ZNF493: variants seen among roughly 807,000 people sequenced by gnomAD.
The protein encoded by ZNF493 is zinc finger protein 493.
Under a neutral mutation model 12.2 loss-of-function variants are expected in ZNF493, and 11 were observed. The observed-to-expected ratio is 0.90, with a 90% CI of 0.57 to 1.50. The LOEUF (loss-of-function observed/expected upper bound fraction) is 1.50. Ranked by LOEUF, ZNF493 falls within the 40% of genes most tolerant of loss-of-function variation. The pLI, the probability that ZNF493 is intolerant of heterozygous loss-of-function variation, is 0.00. For missense variants in ZNF493, 950 were observed against 906.6 expected, an observed-to-expected ratio of 1.05 and a Z score of -0.61; for synonymous variants, 286 against 302.6, an observed-to-expected ratio of 0.95 and a Z score of 0.57.
rs138802937 is a variant in ZNF493, at chr19:21,425,500, T to C, written c.*516T>C. 5,393 of 491,250 alleles carry C rather than the reference T, an allele frequency of 0.011. 97 individuals are homozygous for C. The highest frequency in any genetic ancestry group is 0.015 in the Non-Finnish European group (3,760 of 250,284). 30.4% of individuals were successfully genotyped at this position (491,250 alleles called of 1,614,324 possible). A position where few individuals can be genotyped will look rare whatever the true frequency, so the allele number is the denominator to read the frequency against. ...TCATCCATTAGTAAACATAAGATAA[T>C]TCATACTGGAGAGAAAACCTACAAA... On this transcript the variant is annotated 3_prime_UTR_variant, in exon 4 of 4. Transcript: ENST00000392288.
chr19:21,426,745 TAAA>T lies in ZNF493; in HGVS notation c.*1767_*1769del, dbSNP rs1190144468. ...TATATTTTCAAAGGTGTAGTAAAAA[TAAA>T]AAAAATTTTAATCCAAATTTGTCTA... On this transcript the variant is annotated 3_prime_UTR_variant, in exon 4 of 4. Coordinates refer to ENST00000392288, the MANE Select transcript of ZNF493 (RefSeq NM_001076678.3). The T allele has an allele frequency of 6.0e-6, 1 of 166,736 alleles. No homozygotes were observed. The highest frequency in any genetic ancestry group is 1.5e-5 in the Non-Finnish European group (1 of 67,988). The allele number at this position is 166,736 out of a possible 1,614,324, so 10.3% of individuals were successfully genotyped here.
In ZNF493 at chr19:21,425,765, A is replaced by G. The variant is rs1444328675; in HGVS notation, c.*781A>G. 3.4e-6 allele frequency: 2 copies of G among 581,868 alleles called. No individual in the cohort carries two copies. Among genetic ancestry groups the G allele is most frequent in the Non-Finnish European group, 3.3e-6 (1 of 305,740 alleles). The allele number at this position is 581,868 out of a possible 1,614,324, so 36.0% of individuals were successfully genotyped here. On this transcript the variant is annotated 3_prime_UTR_variant, in exon 4 of 4. Transcript: ENST00000392288. ...AACATAAGATAACTCATACTGGAGA[A>G]AAATCTTACAAATGTGAAGAATGTG...
rs892972245 is a variant in ZNF493 at position 21,408,679 on chromosome 19, T to C, written c.253+2823T>C. 18 of 985,322 alleles carry C rather than the reference T, an allele frequency of 1.8e-5. No individual in the cohort carries two copies. The African/African-American group carries it at 3.0e-4, about 16-fold the overall frequency. 61.0% of individuals were successfully genotyped at this position (985,322 alleles called of 1,614,324 possible). The stretch of plus-strand genomic sequence containing the variant: ...TAGTGGTGTTTTCAGTGTAGGTATC[T>C]TAATATCAGCTTATCGTGGTTTTTG... On this transcript the variant is annotated intron_variant, in intron 3 of 3. Transcript: ENST00000392288.
rs1303936821 is a variant in ZNF493, at chr19:21,425,190, T to A, written c.*206T>A. ...TCATATTGGAGAGAAATTCTACAGA[T>A]GTGAAGAATGTGGCAAAGGCTTTAA... On this transcript the variant is annotated 3_prime_UTR_variant, in exon 4 of 4. Coordinates refer to ENST00000392288, the MANE Select transcript of ZNF493 (RefSeq NM_001076678.3). 2 of 670,240 alleles carry A rather than the reference T, an allele frequency of 3.0e-6. No individual in the cohort carries two copies. Among genetic ancestry groups the A allele is most frequent in the Admixed American group, 5.3e-5 (2 of 38,090 alleles). 41.5% of individuals were successfully genotyped at this position (670,240 alleles called of 1,614,324 possible). A position where few individuals can be genotyped will look rare whatever the true frequency, so the allele number is the denominator to read the frequency against.
intron 1 of ZNF493, 135 bp downstream of exon 1, chr19:21,397,402 C>G (rs1974189229): frequency 8.8e-7 from 1 of 1,135,276 alleles, no homozygotes; most frequent in Non-Finnish European, 1.3e-6. Flanking sequence ...TTGCCCAGCT[C>G]GGCCTCAGTC....
chr19:21,405,678 A>G, intron 2 of ZNF493, 83 bp from the exon 3 acceptor site: 1 of 1,203,668 alleles, frequency 8.3e-7, no homozygotes, highest in Non-Finnish European at 1.2e-6. Context: ...ATATTCTATT[A>G]CATCCTCTTT....
intron 3 of ZNF493, chr19:21,408,379 C>A: frequency 1.1e-6 from 1 of 947,862 alleles, no homozygotes; most frequent in Non-Finnish European, 1.3e-6. Context: ...ATCCACCCGC[C>A]TTGGCCTCCT....
chr19:21,423,915 A>G lies in ZNF493; in HGVS notation c.1256A>G (p.His419Arg), dbSNP rs765098919. Residue 419 changes from histidine (H) to arginine (R), a missense_variant, in exon 4 of 4, where the codon CAC (histidine) becomes CGC (arginine). Coordinates refer to ENST00000392288, the MANE Select transcript of ZNF493 (RefSeq NM_001076678.3). The stretch of plus-strand genomic sequence containing the variant: ...GGCAAAGCTTATAAGGAGTCTTCAC[A>G]CCTTACTACACATAAAAGAATTCAT... The part of the protein sequence containing the change: ...ECGKAYKESS[H>R]LTTHKRIHTG... 6 of 1,613,004 alleles carry G rather than the reference A, an allele frequency of 3.7e-6. No individual in the cohort carries two copies. The highest frequency in any genetic ancestry group is 4.2e-6 in the Non-Finnish European group (5 of 1,179,480).
In ZNF493 at chr19:21,397,199, GC is replaced by G. The variant is rs746040886; in HGVS notation, c.-38del. ...CTGCTCTGTGTCCTCAGCGTGTGTG[GC>G]TTCGTGACCTGAAGATACTGGGAAA... is the stretch of plus-strand genomic sequence containing the variant. On this transcript the variant is annotated 5_prime_UTR_variant, in exon 1 of 4. Coordinates refer to ENST00000392288, the MANE Select transcript of ZNF493 (RefSeq NM_001076678.3). The G allele has an allele frequency of 6.2e-7, 1 of 1,613,784 alleles. No homozygotes were observed. Among genetic ancestry groups the G allele is most frequent in the Non-Finnish European group, 8.5e-7 (1 of 1,179,668 alleles).
At chr19:21,414,354 G>T (rs1158117525) in intron 3 of ZNF493, 2 of 152,228 alleles carry the variant, frequency 1.3e-5, no homozygotes. Context: ...AATAGCTTTA[G>T]CTTCTTTCCA....
At chr19:21,405,602 T>C (rs925596220) in intron 2 of ZNF493, 159 bp from the exon 3 acceptor site, 2 of 1,105,344 alleles carry the variant, frequency 1.8e-6, no homozygotes, top group African/African-American at 1.6e-5. Flanking sequence ...CCTACAAATT[T>C]AAAATATTTT....
chr19:21,419,210 C>T (rs1470565042), intron 3 of ZNF493, among the ~76,000 whole-genome samples: 1 of 151,984 alleles, frequency 6.6e-6, no homozygotes, highest in Non-Finnish European at 1.5e-5. Context: ...CTTGTGGATT[C>T]TGTGTTGACT....
chr19:21,421,221 ACCTC>A (rs2030668759), intron 3 of ZNF493, among the ~76,000 whole-genome samples: 1 of 140,400 alleles, frequency 7.1e-6, no homozygotes, highest in Admixed American at 7.0e-5. Flanking sequence ...ATATTTTTTT[ACCTC>A]CCTAATTTGT....
At chr19:21,410,492 A>T (rs2359147) in intron 3 of ZNF493, among the ~76,000 whole-genome samples, 1 of 151,902 alleles carries the variant, frequency 6.6e-6, no homozygotes, top group East Asian at 1.9e-4. Flanking sequence ...CTCTTTTTCT[A>T]TATGTGTATC....
In ZNF493 at chr19:21,423,518, C is replaced by A; in HGVS notation, c.859C>A (p.His287Asn). 6.2e-7 allele frequency: 1 copy of A among 1,613,676 alleles called. No homozygotes were observed. Among genetic ancestry groups the A allele is most frequent in the Non-Finnish European group, 8.5e-7 (1 of 1,179,842 alleles). Residue 287 changes from histidine (H) to asparagine (N), a missense_variant, in exon 4 of 4, where the codon CAT (histidine) becomes AAT (asparagine). Transcript: ENST00000392288. ...ATACCTTACTAGGCATAAGCTAATT[C>A]ATACTAGAGAGAAACCCTATAAATG... is the stretch of plus-strand genomic sequence containing the variant. ...FSYLTRHKLI[H>N]TREKPYKCEQ... is the part of the protein sequence containing the mutation.
rs889193456 is a variant in ZNF493 at position 21,397,151 on chromosome 19, C to G, written c.-87C>G. ...CTGGGCCATTGTTTCTCTCTGCTGC[C>G]GGAGCTCCAGGTCTACCCTTCACTG... On this transcript the variant is annotated 5_prime_UTR_variant, in exon 1 of 4. Transcript: ENST00000392288. 42 of 1,497,254 alleles carry G rather than the reference C, an allele frequency of 2.8e-5. No homozygotes were observed. The highest frequency in any genetic ancestry group is 5.5e-5 in the African/African-American group (4 of 72,942). The allele number at this position is 1,497,254 out of a possible 1,614,324, so 92.7% of individuals were successfully genotyped here.
At chr19:21,411,403 T>C (rs1166370518) in intron 3 of ZNF493, among the ~76,000 whole-genome samples, 2 of 152,104 alleles carry the variant, frequency 1.3e-5, no homozygotes, top group Non-Finnish European at 2.9e-5. Context: ...GTTTTGCTAG[T>C]TATAGTTTAT....
chr19:21,424,560 G>A lies in ZNF493; in HGVS notation c.1901G>A (p.Cys634Tyr), dbSNP rs1202322523. The A allele has an allele frequency of 6.2e-7, 1 of 1,613,668 alleles. No homozygotes were observed. The highest frequency in any genetic ancestry group is 1.1e-5 in the South Asian group (1 of 91,062). Residue 634 changes from cysteine to tyrosine, a missense_variant, in exon 4 of 4, where the codon TGT becomes TAT. Transcript: ENST00000392288. ...GAAAAACCCTACAAATGTGAAGAAT[G>A]TGGCAAAGCTTTTAAGCGGTCCTCA... The part of the protein sequence containing the change: ...TGEKPYKCEE[C>Y]GKAFKRSSHL...
At chr19:21,413,027 C>T (rs1459524060) in intron 3 of ZNF493, 1 of 334,782 alleles carries the variant, frequency 3.0e-6, no homozygotes, top group Non-Finnish European at 5.7e-6. Flanking sequence ...ATCAGCTGAA[C>T]ACAGTGTGGC....
Sources: gnomAD v4.1 joint callset for allele counts (sites outside exome capture counted in the v4.1 genomes callset) on GRCh38, gnomAD v4.1.1 for gene constraint, MANE v1.5 for transcripts, NCBI Gene and HGNC (gene_info 2026-07-23, HGNC 2026-07-21) for gene names.